ADAM12: variants seen among roughly 807,000 people sequenced by gnomAD.
ADAM12 encodes the protein disintegrin and metalloproteinase domain-containing protein 12.
A neutral mutation model predicts 106.4 loss-of-function variants in ADAM12; 70 were observed. The observed-to-expected ratio is 0.66, with a 90% confidence interval of 0.54 to 0.80. The LOEUF (loss-of-function observed/expected upper bound fraction) is 0.80. Ranked by LOEUF, ADAM12 falls within the 30% of genes least tolerant of loss-of-function variation. The pLI is 0.00. For synonymous variants in ADAM12, 420 were observed against 433.5 expected, an observed-to-expected ratio of 0.97 and a Z score of 0.39; for missense variants, 1,010 against 1,171.9, an observed-to-expected ratio of 0.86 and a Z score of 2.02.
intron 2 of ADAM12, among the ~76,000 whole-genome samples, chr10:126,304,318 AAGGG>A (rs369242497): frequency 2.0e-3 from 267 of 136,652 alleles, no homozygotes; most frequent in East Asian, 0.017. Context: ...GGAAAGAAGG[AAGGG>A]AGGGAGGGAG....
At chr10:126,369,173 G>C (rs904213947) in intron 1 of ADAM12, among the ~76,000 whole-genome samples, 1 of 151,994 alleles carries the variant, frequency 6.6e-6, no homozygotes, top group African/African-American at 2.4e-5. Flanking sequence ...ATGAAAGGTT[G>C]TACAAACACA....
chr10:126,019,821 G>T lies in ADAM12; in HGVS notation c.2534C>A (p.Thr845Asn). ...CTTCTGAGGGGGGTTTGGCTTACAG[G>T]TCCCCTGCAATAAACATAGGGTTAG... ...AKPALRQAQG[T>N]CKPNPPQKPL... is the part of the protein sequence containing the mutation. The change falls in exon 22 of 23, where the codon ACC (threonine) becomes AAC (asparagine). Residue 845 changes from threonine to asparagine, a missense_variant. Coordinates refer to ENST00000448723, the MANE Select transcript of ADAM12 (RefSeq NM_001288973.2). The T allele has an allele frequency of 6.2e-7, 1 of 1,613,320 alleles. No individual in the cohort carries two copies. Among genetic ancestry groups the T allele is most frequent in the Non-Finnish European group, 8.5e-7 (1 of 1,179,676 alleles).
chr10:126,221,400 AAAAAAAAGAAAG>A (rs1412094309), intron 3 of ADAM12, among the ~76,000 whole-genome samples: 1 of 151,702 alleles, frequency 6.6e-6, no homozygotes, highest in East Asian at 1.9e-4. Context: ...AAAAAAAAAA[AAAAAAAAGAAAG>A]AAAGAAAGAA....
At chr10:126,237,704 T>A (rs1350750182) in intron 3 of ADAM12, among the ~76,000 whole-genome samples, 1 of 152,192 alleles carries the variant, frequency 6.6e-6, no homozygotes, top group Non-Finnish European at 1.5e-5. Flanking sequence ...CATACGTTTG[T>A]AGCAAAACGT....
chr10:126,382,345 T>C (rs1856523875), intron 1 of ADAM12, among the ~76,000 whole-genome samples: 1 of 152,190 alleles, frequency 6.6e-6, no homozygotes, highest in African/African-American at 2.4e-5. Flanking sequence ...AGTAGAGAAG[T>C]TCTGTACATA....
chr10:126,121,476 TTATA>T (rs1956112822), intron 5 of ADAM12, among the ~76,000 whole-genome samples: 1 of 111,548 alleles, frequency 9.0e-6, no homozygotes, highest in Non-Finnish European at 1.8e-5. Context: ...ATATCAGAAA[TTATA>T]TAATATGTAA....
chr10:126,249,430 T>C (rs1410650166), intron 3 of ADAM12, among the ~76,000 whole-genome samples: 1 of 152,196 alleles, frequency 6.6e-6, no homozygotes, highest in Non-Finnish European at 1.5e-5. Context: ...CGGGGCGCCA[T>C]GGCTCATGCC....
At chr10:126,063,421 A>C (rs921293755) in intron 14 of ADAM12, among the ~76,000 whole-genome samples, 6 of 151,970 alleles carry the variant, frequency 3.9e-5, no homozygotes, top group Non-Finnish European at 8.8e-5. Context: ...TCCATTGAAA[A>C]CCCAGGCTTC....
intron 1 of ADAM12, among the ~76,000 whole-genome samples, chr10:126,331,555 C>T (rs183064632): frequency 6.6e-6 from 1 of 152,202 alleles, no homozygotes; most frequent in African/African-American, 2.4e-5. Context: ...AGGATTACTA[C>T]TCCCGTAGTC....
intron 1 of ADAM12, among the ~76,000 whole-genome samples, chr10:126,339,786 C>T (rs541161434): frequency 5.0e-5 from 7 of 139,972 alleles, no homozygotes; most frequent in African/African-American, 7.9e-5. Context: ...CAGACTGTGG[C>T]GGGCCTTTCA....
intron 1 of ADAM12, among the ~76,000 whole-genome samples, chr10:126,342,913 G>A (rs1854984896): frequency 6.6e-6 from 1 of 152,088 alleles, no homozygotes; most frequent in Non-Finnish European, 1.5e-5. Context: ...GCTGGAGGGA[G>A]GGTGGAGGGG....
At chr10:126,084,954 G>A (rs1402008688) in intron 11 of ADAM12, among the ~76,000 whole-genome samples, 1 of 152,196 alleles carries the variant, frequency 6.6e-6, no homozygotes, top group African/African-American at 2.4e-5. Flanking sequence ...TTTATTTTTA[G>A]GGCTGTGACA....
chr10:126,105,825 T>C (rs1486422697), intron 8 of ADAM12, among the ~76,000 whole-genome samples: 2 of 152,210 alleles, frequency 1.3e-5, no homozygotes, highest in African/African-American at 4.8e-5. Context: ...ACCTGGACTA[T>C]GGGATAAAGT....
chr10:126,345,796 C>T (rs947940625), intron 1 of ADAM12, among the ~76,000 whole-genome samples: 1 of 152,100 alleles, frequency 6.6e-6, no homozygotes, highest in Non-Finnish European at 1.5e-5. Context: ...TCTAGATTTT[C>T]TAGTTTATTT....
intron 3 of ADAM12, among the ~76,000 whole-genome samples, chr10:126,253,058 C>G (rs961716181): frequency 2.0e-5 from 3 of 152,194 alleles, no homozygotes; most frequent in Admixed American, 2.0e-4. Flanking sequence ...ACAGGACATA[C>G]CTGTTTAGGA....
intron 2 of ADAM12, among the ~76,000 whole-genome samples, chr10:126,283,417 A>G (rs1428876154): frequency 6.6e-6 from 1 of 152,206 alleles, no homozygotes; most frequent in African/African-American, 2.4e-5. Flanking sequence ...TCCAAAGTAC[A>G]AATGGGTTAT....
At chr10:126,050,150 C>G (rs905209765) in intron 14 of ADAM12, among the ~76,000 whole-genome samples, 2 of 152,312 alleles carry the variant, frequency 1.3e-5, no homozygotes, top group Non-Finnish European at 1.5e-5. Flanking sequence ...TATTTTTAGT[C>G]CCATAAAGCT....
At chr10:126,177,747 A>G (rs1957244681) in intron 3 of ADAM12, among the ~76,000 whole-genome samples, 1 of 152,242 alleles carries the variant, frequency 6.6e-6, no homozygotes, top group South Asian at 2.1e-4. Context: ...AATTCAAGAT[A>G]AAGTTAAATA....
At chr10:126,275,345 A>AG (rs1413095023) in intron 3 of ADAM12, among the ~76,000 whole-genome samples, 5 of 152,360 alleles carry the variant, frequency 3.3e-5, no homozygotes, top group Non-Finnish European at 7.3e-5. Flanking sequence ...ATAGGCAGAC[A>AG]GCAATATTGT....
Sources: gnomAD v4.1 joint callset for allele counts (sites outside exome capture counted in the v4.1 genomes callset) on GRCh38, gnomAD v4.1.1 for gene constraint, MANE v1.5 for transcripts, NCBI Gene and HGNC (gene_info 2026-07-23, HGNC 2026-07-21) for gene names.